Variants in RAB31 observed in about 807,000 individuals in gnomAD.
RAB31 encodes RAB31, member RAS oncogene family.
A neutral mutation model predicts 25.6 loss-of-function variants in RAB31; 21 were observed. That is an observed-to-expected ratio of 0.82 (90% CI 0.58 to 1.18). The LOEUF is 1.18. Ranked by LOEUF, RAB31 falls within the 50% of genes most tolerant of loss-of-function variation. The probability of loss-of-function intolerance (pLI) is 0.00; values close to 1 mark genes in which losing one functional copy is unlikely to be tolerated. For missense variants in RAB31, 196 were observed against 250.1 expected (o/e 0.78, Z 1.46); for synonymous variants, 87 against 84.0 (o/e 1.04, Z -0.20).
At chr18:9,791,042 T>C (rs1358083024) in intron 2 of RAB31, among the ~76,000 whole-genome samples, 1 of 152,224 alleles carries the variant, frequency 6.6e-6, no homozygotes, top group Non-Finnish European at 1.5e-5. Context: ...AAATCCTTTC[T>C]TTTTGGACTT....
intron 1 of RAB31, among the ~76,000 whole-genome samples, chr18:9,732,247 C>T (rs552209784): frequency 2.0e-4 from 31 of 152,170 alleles, no homozygotes; most frequent in Non-Finnish European, 3.2e-4. Context: ...CGCATGCAGG[C>T]AACAAGGAGA....
chr18:9,708,778 G>T lies in RAB31; in HGVS notation c.39+334G>T, dbSNP rs1280402244. Reference sequence around the variant, plus strand: ...GGGCTTACTCCGCTCTTTCCTCCCGGCCCGCGAGTCCCCGGATCCGCGGCG... The same window carrying T: ...GGGCTTACTCCGCTCTTTCCTCCCGTCCCGCGAGTCCCCGGATCCGCGGCG... On this transcript the variant is annotated intron_variant, in intron 1 of 6. Coordinates refer to ENST00000578921, the MANE Select transcript of RAB31 (RefSeq NM_006868.4). This position sits in a 1 kb window ranked among gnomAD's most constrained non-coding sequence, Gnocchi z 6.4. 6.6e-6 allele frequency among the ~76,000 whole-genome samples: 1 copy of T among 152,224 alleles called. No homozygotes were observed. Among genetic ancestry groups the T allele is most frequent in the Admixed American group, 6.5e-5 (1 of 15,300 alleles).
chr18:9,840,177 G>T (rs2068725989), intron 5 of RAB31, among the ~76,000 whole-genome samples: 1 of 152,174 alleles, frequency 6.6e-6, no homozygotes, highest in African/African-American at 2.4e-5. Flanking sequence ...GGCCTGGGGG[G>T]ATCTGCATCC....
chr18:9,854,005 A>G (rs923343838), intron 6 of RAB31, among the ~76,000 whole-genome samples: 1 of 146,548 alleles, frequency 6.8e-6, no homozygotes, highest in African/African-American at 2.5e-5. Context: ...ATACATATGC[A>G]GAACATGCGG....
chr18:9,734,986 G>A, intron 1 of RAB31: 1 of 230,984 alleles, frequency 4.3e-6, no homozygotes, highest in Non-Finnish European at 9.2e-6. Context: ...GCCTCTTGGT[G>A]GTGGCGGTGG....
intron 1 of RAB31, among the ~76,000 whole-genome samples, chr18:9,765,747 A>G (rs1303146759): frequency 2.0e-5 from 3 of 152,088 alleles, no homozygotes; most frequent in Non-Finnish European, 4.4e-5. Context: ...CTAGACACAG[A>G]CTCAAGTGAG....
At chr18:9,846,478 C>T (rs531559329) in intron 6 of RAB31, among the ~76,000 whole-genome samples, 10 of 152,296 alleles carry the variant, frequency 6.6e-5, no homozygotes, top group African/African-American at 1.4e-4. Flanking sequence ...AAAGTTCGAC[C>T]GGAGCATTAT....
rs577348469 is a variant in RAB31, at chr18:9,809,770, G to T, written c.202-4250G>T. On this transcript the variant is annotated intron_variant, in intron 3 of 6. Transcript: ENST00000578921. ...CATTGATAATTTTCAAAGGAATTCT[G>T]GTTACTTTGTAACCATCTCTGATTA... Among the ~76,000 whole-genome samples, 20 of 152,244 alleles carry T rather than the reference G, an allele frequency of 1.3e-4. No homozygotes were observed. The East Asian group carries it at 3.9e-3, about 29-fold the overall frequency.
intron 3 of RAB31, among the ~76,000 whole-genome samples, chr18:9,804,858 T>G (rs550848441): frequency 7.2e-5 from 11 of 152,202 alleles, no homozygotes; most frequent in Non-Finnish European, 1.3e-4. Flanking sequence ...GGCAGGGACC[T>G]TGTTACCTTC....
At chr18:9,773,370 G>A (rs2068355264) in intron 1 of RAB31, among the ~76,000 whole-genome samples, 1 of 152,146 alleles carries the variant, frequency 6.6e-6, no homozygotes, top group Non-Finnish European at 1.5e-5. Context: ...TTTAATGTAA[G>A]AGAACTGAAT....
intron 3 of RAB31, among the ~76,000 whole-genome samples, chr18:9,811,705 A>G (rs777080506): frequency 3.9e-5 from 6 of 152,236 alleles, no homozygotes; most frequent in Admixed American, 6.5e-5. Context: ...TCCTGCTCAC[A>G]GAGACATACT....
chr18:9,737,622 A>T (rs560482893), intron 1 of RAB31, among the ~76,000 whole-genome samples: 1 of 152,310 alleles, frequency 6.6e-6, no homozygotes, highest in East Asian at 1.9e-4. Context: ...GAGTCGCCAC[A>T]GTGAATTGCT....
chr18:9,828,040 A>G (rs1392228934), intron 5 of RAB31, among the ~76,000 whole-genome samples: 2 of 152,124 alleles, frequency 1.3e-5, no homozygotes, highest in South Asian at 2.1e-4. Flanking sequence ...GTCCCAGGTG[A>G]GGTATGTGCC....
intron 1 of RAB31, among the ~76,000 whole-genome samples, chr18:9,746,442 G>A (rs7237162): frequency 0.92 from 139,928 of 152,232 alleles, 64,474 homozygotes; most frequent in Admixed American, 0.94. Flanking sequence ...CAGAATTGCA[G>A]GAGGCCCCAA....
chr18:9,729,514 G>A (rs2068111672), intron 1 of RAB31, among the ~76,000 whole-genome samples: 1 of 147,386 alleles, frequency 6.8e-6, no homozygotes, highest in Admixed American at 6.8e-5. Context: ...GGGACAGAGT[G>A]AGACTCCGTC....
chr18:9,786,936 G>A (rs1162758464), intron 2 of RAB31: 3 of 153,552 alleles, frequency 2.0e-5, no homozygotes, highest in Non-Finnish European at 4.4e-5. Flanking sequence ...CAGTGGAGAA[G>A]TGATGAAAGC....
At chr18:9,858,021 C>T (rs117892505) in intron 6 of RAB31, among the ~76,000 whole-genome samples, 5 of 152,104 alleles carry the variant, frequency 3.3e-5, no homozygotes, top group African/African-American at 9.7e-5. Context: ...CAGAGTGAGA[C>T]CCTGTCTCAA....
chr18:9,850,255 A>G (rs1164483578), intron 6 of RAB31, among the ~76,000 whole-genome samples: 1 of 152,126 alleles, frequency 6.6e-6, no homozygotes, highest in Non-Finnish European at 1.5e-5. Flanking sequence ...AGGATTCTGG[A>G]TTGTGGTGAA....
chr18:9,722,519 C>T (rs529997259), intron 1 of RAB31, among the ~76,000 whole-genome samples: 39 of 152,212 alleles, frequency 2.6e-4, no homozygotes, highest in African/African-American at 9.1e-4. Context: ...AGTGGAAGGT[C>T]GTTGGCTTTA....
Sources: allele counts gnomAD v4.1 joint callset (sites outside exome capture counted in the v4.1 genomes callset), GRCh38; gene constraint gnomAD v4.1.1; non-coding constraint Gnocchi (gnomAD v3.1); transcripts MANE v1.5; gene names NCBI Gene and HGNC (gene_info 2026-07-23, HGNC 2026-07-21).